Variants in MACROD2 observed in about 807,000 individuals in gnomAD.
MACROD2 encodes the protein mono-ADP ribosylhydrolase 2.
Under a neutral mutation model 70.4 loss-of-function variants are expected in MACROD2, and 36 were observed. The ratio of observed to expected loss-of-function variants is 0.51; its 90% CI spans 0.39 to 0.68. The LOEUF (loss-of-function observed/expected upper bound fraction) is 0.68, where lower values mean the gene tolerates loss of function less well. MACROD2 is among the 30% of genes least tolerant of loss of function. The pLI is 0.00. For synonymous variants in MACROD2, 172 were observed against 178.8 expected, an observed-to-expected ratio of 0.96 and a Z score of 0.30; for missense variants, 496 against 538.4, an observed-to-expected ratio of 0.92 and a Z score of 0.78.
intron 3 of MACROD2, among the ~76,000 whole-genome samples, chr20:14,366,588 A>G (rs577142765): frequency 6.6e-6 from 1 of 151,266 alleles, no homozygotes; most frequent in East Asian, 1.9e-4. Flanking sequence ...GATGGTTTCA[A>G]TCTCCTGACA....
At chr20:15,325,314 A>G (rs2077917057) in intron 6 of MACROD2, among the ~76,000 whole-genome samples, 2 of 152,200 alleles carry the variant, frequency 1.3e-5, no homozygotes, top group Admixed American at 1.3e-4. Flanking sequence ...TTTTTAGTTA[A>G]GAATATTTAC....
At chr20:14,861,526 C>T (rs1159273916) in intron 5 of MACROD2, among the ~76,000 whole-genome samples, 3 of 151,970 alleles carry the variant, frequency 2.0e-5, no homozygotes, top group African/African-American at 7.2e-5. Flanking sequence ...CCTGCTGATG[C>T]CTCCAATTAG....
chr20:15,709,279 A>G (rs1028004985), intron 8 of MACROD2, among the ~76,000 whole-genome samples: 2 of 152,222 alleles, frequency 1.3e-5, no homozygotes, highest in Non-Finnish European at 2.9e-5. Flanking sequence ...GGCTCCCGCT[A>G]TCTAATAAGT....
At chr20:14,378,898 C>A (rs1187254633) in intron 3 of MACROD2, among the ~76,000 whole-genome samples, 1 of 152,152 alleles carries the variant, frequency 6.6e-6, no homozygotes, top group Non-Finnish European at 1.5e-5. Flanking sequence ...ATTTCATTTA[C>A]AACAAATATT....
chr20:15,172,593 A>G (rs531460641), intron 5 of MACROD2, among the ~76,000 whole-genome samples: 1 of 152,018 alleles, frequency 6.6e-6, no homozygotes, highest in Non-Finnish European at 1.5e-5. Flanking sequence ...TTAATTTTGT[A>G]GAGATGGGAT....
At chr20:14,493,536 A>G (rs937582304) in intron 4 of MACROD2, 28 bp downstream of exon 4, 1 of 1,574,858 alleles carries the variant, frequency 6.3e-7, no homozygotes, top group African/African-American at 1.3e-5. Context: ...CTTAACTTAA[A>G]ATACATTTTA....
chr20:14,122,371 C>T (rs1009634753), intron 3 of MACROD2, among the ~76,000 whole-genome samples: 12 of 152,150 alleles, frequency 7.9e-5, no homozygotes, highest in African/African-American at 2.7e-4. Context: ...TGTCAATGCT[C>T]ATAAATAGTA....
intron 3 of MACROD2, among the ~76,000 whole-genome samples, chr20:14,332,076 A>G (rs1475345010): frequency 6.6e-6 from 1 of 152,202 alleles, no homozygotes; most frequent in Non-Finnish European, 1.5e-5. Flanking sequence ...TGGAATCATT[A>G]TTTAACTATA....
chr20:14,666,022 A>T (rs1006395735), intron 4 of MACROD2, among the ~76,000 whole-genome samples: 3 of 152,058 alleles, frequency 2.0e-5, no homozygotes, highest in South Asian at 2.1e-4. Context: ...TATGCTTTTT[A>T]AAAAAACCCA....
intron 3 of MACROD2, among the ~76,000 whole-genome samples, chr20:14,170,883 C>T (rs1199054316): frequency 6.6e-6 from 1 of 152,058 alleles, no homozygotes; most frequent in Admixed American, 6.6e-5. Flanking sequence ...GGAGGATTCC[C>T]TCTTTATCTT....
At chr20:15,087,061 A>G (rs1020302911) in intron 5 of MACROD2, among the ~76,000 whole-genome samples, 3 of 152,050 alleles carry the variant, frequency 2.0e-5, no homozygotes, top group Admixed American at 1.3e-4. Flanking sequence ...TTAATTATCT[A>G]TACCAATACC....
chr20:14,131,974 ACAAAAAATTAG>A (rs2054724210), intron 3 of MACROD2, among the ~76,000 whole-genome samples: 1 of 151,966 alleles, frequency 6.6e-6, no homozygotes, highest in Non-Finnish European at 1.5e-5. Context: ...TACTAAAAAT[ACAAAAAATTAG>A]CTGGGCGTGG....
At chr20:15,341,053 A>G (rs1292661010) in intron 6 of MACROD2, among the ~76,000 whole-genome samples, 1 of 152,152 alleles carries the variant, frequency 6.6e-6, no homozygotes, top group Non-Finnish European at 1.5e-5. Context: ...GATCCCATAT[A>G]TTATGGAAAG....
At position 14,200,351 on chromosome 20, in the gene MACROD2, C is replaced by G. The variant is rs567835765; in HGVS notation, c.271+114623C>G. ...GAACACATGGACCCATAGAGGGGAACAACACACACTGGGGCCTATCAGAGG... is the reference window on the plus strand; with the variant it reads ...GAACACATGGACCCATAGAGGGGAAGAACACACACTGGGGCCTATCAGAGG... On this transcript the variant is annotated intron_variant, in intron 3 of 17. Coordinates refer to ENST00000684519, the MANE Select transcript of MACROD2 (RefSeq NM_001351661.2). 7.0e-4 allele frequency among the ~76,000 whole-genome samples: 106 copies of G among 152,134 alleles called. 1 individual carries two copies. Among genetic ancestry groups the G allele is most frequent in the Non-Finnish European group, 1.2e-3 (83 of 68,012 alleles).
At chr20:15,619,796 G>T in intron 8 of MACROD2, 1 of 167,024 alleles carries the variant, frequency 6.0e-6, no homozygotes, top group Non-Finnish European at 1.3e-5. Context: ...GCTTCTTCTT[G>T]CCTGTCTCCT....
At chr20:15,325,552 C>T (rs1425106455) in intron 6 of MACROD2, among the ~76,000 whole-genome samples, 16 of 152,132 alleles carry the variant, frequency 1.1e-4, no homozygotes, top group African/African-American at 3.9e-4. Flanking sequence ...TTGGTAACCT[C>T]CATGGTGAAA....
At chr20:14,575,099 C>T (rs2123330148) in intron 4 of MACROD2, among the ~76,000 whole-genome samples, 2 of 148,696 alleles carry the variant, frequency 1.3e-5, no homozygotes, top group African/African-American at 5.0e-5. Context: ...TGATAGAAAA[C>T]TGCAAAGAGT....
At chr20:14,370,975 G>A (rs2083316835) in intron 3 of MACROD2, among the ~76,000 whole-genome samples, 1 of 152,056 alleles carries the variant, frequency 6.6e-6, no homozygotes, top group African/African-American at 2.4e-5. Flanking sequence ...AACTCAGTGG[G>A]AAATTGTTTA....
chr20:15,051,146 A>G (rs2075436799), intron 5 of MACROD2, among the ~76,000 whole-genome samples: 1 of 152,168 alleles, frequency 6.6e-6, no homozygotes, highest in South Asian at 2.1e-4. Flanking sequence ...TAAGTATTAG[A>G]TTTAATCTGT....
Sources: allele counts gnomAD v4.1 joint callset (sites outside exome capture counted in the v4.1 genomes callset), GRCh38; gene constraint gnomAD v4.1.1; transcripts MANE v1.5; gene names NCBI Gene and HGNC (gene_info 2026-07-23, HGNC 2026-07-21).